Variants in MRPS5 observed in about 807,000 individuals in gnomAD.
MRPS5 encodes the protein small ribosomal subunit protein uS5m.
A neutral mutation model predicts 51.9 loss-of-function variants in MRPS5; 27 were observed. That is an observed-to-expected ratio of 0.52 (90% CI 0.38 to 0.72). The LOEUF is 0.72. Among genes scored for constraint, MRPS5 ranks in the 30% least tolerant of loss-of-function variants. The pLI, the probability that MRPS5 is intolerant of heterozygous loss-of-function variation, is 0.00. For synonymous variants in MRPS5, 196 were observed against 193.2 expected (o/e 1.01, Z -0.12); for missense variants, 570 against 545.7 (o/e 1.04, Z -0.44).
At chr2:95,088,872 G>T (rs570698302) in intron 11 of MRPS5, among the ~76,000 whole-genome samples, 16 of 152,298 alleles carry the variant, frequency 1.1e-4, no homozygotes, top group Admixed American at 2.0e-4. Flanking sequence ...TTCAAGACCA[G>T]CCTGACCAAC....
chr2:95,110,649 A>G (rs969531072), intron 3 of MRPS5, among the ~76,000 whole-genome samples: 4 of 152,100 alleles, frequency 2.6e-5, no homozygotes, highest in Non-Finnish European at 5.9e-5. Flanking sequence ...TAAAACTTCA[A>G]ATATTAGCCA....
chr2:95,108,187 C>T lies in MRPS5; in HGVS notation c.625G>A (p.Gly209Ser). 1 of 1,614,132 alleles carries T rather than the reference C, an allele frequency of 6.2e-7. No individual in the cohort carries two copies. The highest frequency in any genetic ancestry group is 8.5e-7 in the Non-Finnish European group (1 of 1,180,004). Residue 209 changes from glycine (G) to serine (S), a missense_variant, in exon 5 of 12, where the codon GGT becomes AGT. Coordinates refer to ENST00000272418, the MANE Select transcript of MRPS5 (RefSeq NM_031902.5). ...AGGAGTTTGCTACCTCCACAGGGACCAGGGTCAGGGGGGCCAAGACTGATG... is the reference window on the plus strand; with the variant it reads ...AGGAGTTTGCTACCTCCACAGGGACTAGGGTCAGGGGGGCCAAGACTGATG... Reference protein sequence around the residue: ...GGISLGPPDPGPCGETYEDFD... With the variant: ...GGISLGPPDPSPCGETYEDFD...
intron 10 of MRPS5, among the ~76,000 whole-genome samples, chr2:95,098,879 T>C (rs1675709064): frequency 6.6e-6 from 1 of 150,786 alleles, no homozygotes; most frequent in East Asian, 1.9e-4. Context: ...TACATAAACA[T>C]ATGGGGACCT....
chr2:95,116,078 G>C (rs1402719085), intron 2 of MRPS5, among the ~76,000 whole-genome samples: 1 of 151,706 alleles, frequency 6.6e-6, no homozygotes, highest in Non-Finnish European at 1.5e-5. Flanking sequence ...GCTAATTTTT[G>C]TATTTTTAGT....
In MRPS5 at chr2:95,115,166, G is replaced by C. The variant is rs776241678; in HGVS notation, c.177C>G (p.Pro59=). The C allele has an allele frequency of 3.7e-6, 6 of 1,609,150 alleles. No individual in the cohort carries two copies. The Admixed American group carries it at 1.0e-4, about 28-fold the overall frequency. Reference sequence around the variant, plus strand: ...GCAGTGCACGGCTCAAGCTGGCGTAGGGATGGGTGTCTCTGGTTCCCAGTG... The same window carrying C: ...GCAGTGCACGGCTCAAGCTGGCGTACGGATGGGTGTCTCTGGTTCCCAGTG... ...LSSLGTRDTH[P]YASLSRALQT... The change falls in exon 3 of 12, where the codon CCC becomes CCG. Residue 59 remains proline (P), a synonymous_variant. Transcript: ENST00000272418.
intron 1 of MRPS5, among the ~76,000 whole-genome samples, chr2:95,119,275 A>C (rs2104433320): frequency 6.6e-6 from 1 of 152,304 alleles, no homozygotes; most frequent in African/African-American, 2.4e-5. Context: ...CTTATTCATG[A>C]GGGAAATGCA....
intron 10 of MRPS5, among the ~76,000 whole-genome samples, chr2:95,096,590 C>G (rs1675633757): frequency 6.6e-6 from 1 of 152,188 alleles, no homozygotes; most frequent in Non-Finnish European, 1.5e-5. Flanking sequence ...GTCAAAACCA[C>G]ATGATTATCT....
chr2:95,092,944 T>C (rs1196164587), intron 10 of MRPS5: 1 of 152,216 alleles, frequency 6.6e-6, no homozygotes, highest in African/African-American at 2.4e-5. Context: ...GGATTTCCCT[T>C]GCCTAGCCAA....
At position 95,086,704 on chromosome 2, in the gene MRPS5, G is replaced by C. The variant is rs922927279; in HGVS notation, c.*653C>G. 6.6e-6 allele frequency among the ~76,000 whole-genome samples: 1 copy of C among 152,056 alleles called. No homozygotes were observed. The highest frequency in any genetic ancestry group is 1.5e-5 in the Non-Finnish European group (1 of 68,006). ...TGTATGATAGGGGGGCTTATATCTAGAAACTATAAGGAACTCAATAATAAT... is the reference window on the plus strand; with the variant it reads ...TGTATGATAGGGGGGCTTATATCTACAAACTATAAGGAACTCAATAATAAT... On this transcript the variant is annotated 3_prime_UTR_variant, in exon 12 of 12. Coordinates refer to ENST00000272418, the MANE Select transcript of MRPS5 (RefSeq NM_031902.5).
chr2:95,100,000 T>A (rs1216933161), intron 10 of MRPS5, among the ~76,000 whole-genome samples: 1 of 152,124 alleles, frequency 6.6e-6, no homozygotes, highest in East Asian at 1.9e-4. Context: ...GACCCTGAAC[T>A]CTGCCTGCCT....
rs550293364 is a variant in MRPS5, at chr2:95,093,559, GC to G, written c.932-3038del. The G allele has an allele frequency of 4.3e-3, 652 of 152,456 alleles. 1 individual carries two copies. Among genetic ancestry groups the G allele is most frequent in the Non-Finnish European group, 7.5e-3 (512 of 68,132 alleles). 9.4% of individuals were successfully genotyped at this position (152,456 alleles called of 1,614,324 possible). A position where few individuals can be genotyped will look rare whatever the true frequency, so the allele number is the denominator to read the frequency against. The stretch of plus-strand genomic sequence containing the variant: ...GCTCTTCTGCAATATTTGCTGCTCT[GC>G]AGCCTCTACTGGTGATACCCAGGCA... On this transcript the variant is annotated intron_variant, in intron 10 of 11. Transcript: ENST00000272418.
chr2:95,120,757 A>T (rs1035785489), intron 1 of MRPS5, among the ~76,000 whole-genome samples: 4 of 152,216 alleles, frequency 2.6e-5, no homozygotes, highest in African/African-American at 9.7e-5. Context: ...TCATGAAGGC[A>T]TTTCGAAGAT....
chr2:95,116,654 T>G (rs1262547344), intron 2 of MRPS5, among the ~76,000 whole-genome samples: 1 of 152,256 alleles, frequency 6.6e-6, no homozygotes, highest in East Asian at 1.9e-4. Context: ...TTTCAGACCA[T>G]GAAGTCCCCA....
intron 9 of MRPS5, 64 bp downstream of exon 9, chr2:95,100,772 TG>T: frequency 8.0e-7 from 1 of 1,253,830 alleles, no homozygotes; most frequent in Non-Finnish European, 1.1e-6. Flanking sequence ...AGAGATACAT[TG>T]TCACACAGAC....
At chr2:95,091,950 G>C (rs909834174) in intron 10 of MRPS5, 7 of 152,252 alleles carry the variant, frequency 4.6e-5, no homozygotes, top group Non-Finnish European at 7.3e-5. Context: ...GGGGTATCAT[G>C]CAGATTCTGG....
At chr2:95,114,662 C>G (rs1209647552) in intron 3 of MRPS5, among the ~76,000 whole-genome samples, 1 of 152,212 alleles carries the variant, frequency 6.6e-6, no homozygotes, top group Non-Finnish European at 1.5e-5. Context: ...AGATTAGACT[C>G]TTTTAAATGC....
intron 11 of MRPS5, among the ~76,000 whole-genome samples, chr2:95,088,688 T>C (rs920542160): frequency 1.9e-4 from 29 of 152,272 alleles, no homozygotes; most frequent in African/African-American, 6.3e-4. Flanking sequence ...CAACCTTTTA[T>C]AGCTGATGGC....
intron 10 of MRPS5, among the ~76,000 whole-genome samples, chr2:95,096,474 A>T (rs2104401094): frequency 6.6e-6 from 1 of 152,354 alleles, no homozygotes; most frequent in South Asian, 2.1e-4. Flanking sequence ...GCAGCACATC[A>T]AAAAGCTTAT....
At chr2:95,093,461 C>T (rs546222530) in intron 10 of MRPS5, 2 of 152,320 alleles carry the variant, frequency 1.3e-5, no homozygotes, top group South Asian at 2.1e-4. Flanking sequence ...CACTAGGGAC[C>T]GACCGACACC....
Sources: allele counts gnomAD v4.1 joint callset (sites outside exome capture counted in the v4.1 genomes callset), GRCh38; gene constraint gnomAD v4.1.1; transcripts MANE v1.5; gene names NCBI Gene and HGNC (gene_info 2026-07-23, HGNC 2026-07-21).